Variants in CSMD1 observed in about 807,000 individuals in gnomAD.
The protein encoded by CSMD1 is CUB and Sushi multiple domains 1.
A neutral mutation model predicts 417.5 loss-of-function variants in CSMD1; 213 were observed. That is an observed-to-expected ratio of 0.51 (90% confidence interval 0.46 to 0.57). CSMD1 has a LOEUF of 0.57. CSMD1 is among the 20% of genes least tolerant of loss of function. The probability of loss-of-function intolerance (pLI) is 0.00; values close to 1 mark genes in which losing one functional copy is unlikely to be tolerated. For missense variants in CSMD1, 6,923 were observed against 4,529.7 expected, an observed-to-expected ratio of 1.53 and a Z score of -15.17; for synonymous variants, 2,862 against 1,736.8, an observed-to-expected ratio of 1.65 and a Z score of -16.11.
chr8:3,621,652 G>A lies in CSMD1; in HGVS notation c.1010-4855C>T, dbSNP rs575860730. ...CTGTTGCCCAGGCTGCAGTGCAGTG[G>A]CATAATCATGGCTCACTGCAGCCTT... On this transcript the variant is annotated intron_variant, in intron 7 of 69. Transcript: ENST00000635120. Among the ~76,000 whole-genome samples the A allele has an allele frequency of 5.3e-5, 8 of 151,968 alleles. No homozygotes were observed. The East Asian group carries it at 1.5e-3, about 29-fold the overall frequency.
rs559501675 is a variant in CSMD1, at chr8:3,901,414, T to C, written c.818+96489A>G. Among the ~76,000 whole-genome samples, 156 of 152,346 alleles carry C rather than the reference T, an allele frequency of 1.0e-3. 2 individuals are homozygous for C. The highest frequency in any genetic ancestry group is 1.1e-3 in the African/African-American group (46 of 41,584). ...CAGTAAACCTTCATCTTCCCTGAAA[T>C]CCGTGCTGATGCATTTTTTGGTCTT... On this transcript the variant is annotated intron_variant, in intron 5 of 69. Coordinates refer to ENST00000635120, the MANE Select transcript of CSMD1 (RefSeq NM_033225.6).
chr8:4,139,237 C>T (rs1003387492), intron 3 of CSMD1, among the ~76,000 whole-genome samples: 5 of 152,230 alleles, frequency 3.3e-5, no homozygotes, highest in African/African-American at 1.2e-4. Flanking sequence ...GCTTTAAAGG[C>T]GAATTTAGCT....
chr8:4,940,400 G>A (rs922846683), intron 1 of CSMD1, among the ~76,000 whole-genome samples: 11 of 152,284 alleles, frequency 7.2e-5, no homozygotes, highest in Middle Eastern at 3.4e-3. Context: ...CATGAGTTAA[G>A]AAATTCCAAT....
At chr8:3,513,585 C>G (rs528304105) in intron 10 of CSMD1, among the ~76,000 whole-genome samples, 2 of 152,290 alleles carry the variant, frequency 1.3e-5, no homozygotes, top group South Asian at 4.1e-4. Context: ...GATTAATACA[C>G]TAATCCTACG....
chr8:4,031,465 C>T (rs907314698), intron 4 of CSMD1, among the ~76,000 whole-genome samples: 2 of 152,100 alleles, frequency 1.3e-5, no homozygotes, highest in South Asian at 4.1e-4. Flanking sequence ...ATGAGAACGG[C>T]ACAGGAAACA....
At chr8:4,256,826 C>A (rs749203173) in intron 3 of CSMD1, among the ~76,000 whole-genome samples, 2 of 152,162 alleles carry the variant, frequency 1.3e-5, no homozygotes, top group Non-Finnish European at 2.9e-5. Flanking sequence ...GAGTTATGAG[C>A]AAAGAACAGC....
chr8:3,938,959 T>C (rs1810690520), intron 5 of CSMD1, among the ~76,000 whole-genome samples: 2 of 152,138 alleles, frequency 1.3e-5, no homozygotes, highest in Admixed American at 6.6e-5. Context: ...AAAAATAATA[T>C]TCATAGGCAG....
chr8:3,641,398 G>A (rs557060961), intron 7 of CSMD1, among the ~76,000 whole-genome samples: 1 of 152,116 alleles, frequency 6.6e-6, no homozygotes, highest in South Asian at 2.1e-4. Context: ...GCAGATCTTA[G>A]AAGCAGAAAT....
intron 3 of CSMD1, among the ~76,000 whole-genome samples, chr8:4,374,354 A>G (rs1392291159): frequency 6.6e-6 from 1 of 152,110 alleles, no homozygotes; most frequent in Non-Finnish European, 1.5e-5. Flanking sequence ...TCAGAATCTG[A>G]TTATAGGTGT....
At chr8:4,827,417 G>C (rs1468067842) in intron 1 of CSMD1, among the ~76,000 whole-genome samples, 1 of 152,130 alleles carries the variant, frequency 6.6e-6, no homozygotes, top group East Asian at 1.9e-4. Context: ...TGGATGAAGA[G>C]AAAAGCTCGA....
At chr8:4,431,183 A>G (rs560727274) in intron 2 of CSMD1, among the ~76,000 whole-genome samples, 38 of 152,146 alleles carry the variant, frequency 2.5e-4, no homozygotes, top group Admixed American at 2.2e-3. Context: ...GTAGGTAGTG[A>G]CCCCTAGAGT....
intron 26 of CSMD1, among the ~76,000 whole-genome samples, chr8:3,244,397 G>C (rs1443666991): frequency 1.3e-5 from 2 of 152,116 alleles, no homozygotes; most frequent in African/African-American, 4.8e-5. Context: ...ACCCTGGAGA[G>C]CAATCTGCTT....
At chr8:4,934,226 C>G (rs914758130) in intron 1 of CSMD1, among the ~76,000 whole-genome samples, 8 of 152,162 alleles carry the variant, frequency 5.3e-5, no homozygotes, top group South Asian at 2.1e-4. Context: ...ACATTTTTAT[C>G]CAGACATCCC....
At chr8:3,654,882 C>A (rs1158394321) in intron 7 of CSMD1, among the ~76,000 whole-genome samples, 1 of 152,180 alleles carries the variant, frequency 6.6e-6, no homozygotes, top group Non-Finnish European at 1.5e-5. Flanking sequence ...CTGCAACAGA[C>A]TGGGAGACAG....
rs145765619 is a variant in CSMD1, at chr8:3,492,248, G to A, written c.1448+1375C>T. On this transcript the variant is annotated intron_variant, in intron 11 of 69. Coordinates refer to ENST00000635120, the MANE Select transcript of CSMD1 (RefSeq NM_033225.6). Reference sequence around the variant, plus strand: ...TTCCCCAAGCAACCAGTGGCATGCCGCTGAGCTCTTCTGCTCTCAGAGCAT... The same window carrying A: ...TTCCCCAAGCAACCAGTGGCATGCCACTGAGCTCTTCTGCTCTCAGAGCAT... Among the ~76,000 whole-genome samples, 8 of 152,204 alleles carry A rather than the reference G, an allele frequency of 5.3e-5. No homozygotes were observed. In the East Asian group the frequency reaches 1.4e-3, roughly 26 times the overall value.
intron 1 of CSMD1, among the ~76,000 whole-genome samples, chr8:4,858,714 T>C (rs888489599): frequency 2.0e-5 from 3 of 148,314 alleles, no homozygotes; most frequent in Non-Finnish European, 4.5e-5. Context: ...ACAAGGGATG[T>C]GAAGGACCTC....
At chr8:4,311,290 A>T (rs1465112937) in intron 3 of CSMD1, among the ~76,000 whole-genome samples, 2 of 152,248 alleles carry the variant, frequency 1.3e-5, no homozygotes, top group Non-Finnish European at 2.9e-5. Context: ...AAAATGTGGC[A>T]CATGTACACC....
intron 1 of CSMD1, among the ~76,000 whole-genome samples, chr8:4,697,759 C>A (rs1466775640): frequency 6.6e-6 from 1 of 152,162 alleles, no homozygotes; most frequent in Admixed American, 6.5e-5. Context: ...AAGCATTACT[C>A]ATTTGGCATT....
chr8:4,512,378 C>A (rs545226201), intron 2 of CSMD1, among the ~76,000 whole-genome samples: 1 of 152,142 alleles, frequency 6.6e-6, no homozygotes, highest in African/African-American at 2.4e-5. Context: ...GAGCAGGAAA[C>A]AAGGCACAAA....
Sources: allele counts gnomAD v4.1 joint callset (sites outside exome capture counted in the v4.1 genomes callset), GRCh38; gene constraint gnomAD v4.1.1; transcripts MANE v1.5; gene names NCBI Gene and HGNC (gene_info 2026-07-23, HGNC 2026-07-21).